RBFOX1: variants seen among roughly 807,000 people sequenced by gnomAD.
The protein encoded by RBFOX1 is RNA binding protein fox-1 homolog 1.
A neutral mutation model predicts 57.7 loss-of-function variants in RBFOX1; 8 were observed. The observed-to-expected ratio is 0.14, with a 90% confidence interval of 0.08 to 0.25. The LOEUF is 0.25. Ranked by LOEUF, RBFOX1 falls within the 10% of genes least tolerant of loss-of-function variation. RBFOX1 has a pLI of 1.00. For synonymous variants in RBFOX1, 326 were observed against 222.4 expected, an observed-to-expected ratio of 1.47 and a Z score of -4.15; for missense variants, 611 against 548.5, an observed-to-expected ratio of 1.11 and a Z score of -1.14.
rs7187068 is a variant in RBFOX1, at chr16:5,946,244, A to G, written c.351+78909A>G. 0.22 allele frequency among the ~76,000 whole-genome samples: 33,007 copies of G among 152,138 alleles called. 3,788 individuals are homozygous for G. The highest frequency in any genetic ancestry group is 0.26 in the Non-Finnish European group (17,365 of 68,004). On this transcript the variant is annotated intron_variant, in intron 4 of 19. Transcript: ENST00000641259. This position sits in a 1 kb window ranked among gnomAD's most constrained non-coding sequence, Gnocchi z 4.6. Reference sequence around the variant, plus strand: ...TGCCTTCACGTCTCTAAGTGTCTCTAAGTCTCAGCTTTCTAATCTGTAAAA... The same window carrying G: ...TGCCTTCACGTCTCTAAGTGTCTCTGAGTCTCAGCTTTCTAATCTGTAAAA...
chr16:6,814,349 C>G (rs141110090), intron 3 of RBFOX1, among the ~76,000 whole-genome samples: 1 of 152,054 alleles, frequency 6.6e-6, no homozygotes, highest in Non-Finnish European at 1.5e-5. Flanking sequence ...CTGATCATGT[C>G]CTAAGTGTTT....
intron 3 of RBFOX1, among the ~76,000 whole-genome samples, chr16:5,848,617 T>C (rs1242707513): frequency 6.6e-6 from 1 of 152,082 alleles, no homozygotes; most frequent in African/African-American, 2.4e-5. Flanking sequence ...CAAGGAAGTC[T>C]TCCTACAGCA....
chr16:5,347,950 A>C, intron 1 of RBFOX1, among the ~76,000 whole-genome samples: 2 of 96,282 alleles, frequency 2.1e-5, no homozygotes, highest in Admixed American at 1.4e-4. Context: ...TCATGCACTC[A>C]TTCACCCATC....
intron 3 of RBFOX1, among the ~76,000 whole-genome samples, chr16:6,802,896 A>G (rs2085826271): frequency 6.6e-6 from 1 of 152,174 alleles, no homozygotes; most frequent in Non-Finnish European, 1.5e-5. Flanking sequence ...GAATTGTGCA[A>G]AGAAGTTATT....
At chr16:6,788,757 G>C (rs1267539793) in intron 3 of RBFOX1, among the ~76,000 whole-genome samples, 1 of 151,944 alleles carries the variant, frequency 6.6e-6, no homozygotes, top group African/African-American at 2.4e-5. Context: ...TTACAGGTGT[G>C]AGCGACCGTG....
intron 4 of RBFOX1, among the ~76,000 whole-genome samples, chr16:7,138,664 G>A (rs1248998300): frequency 2.0e-5 from 3 of 152,168 alleles, no homozygotes; most frequent in Non-Finnish European, 4.4e-5. Context: ...TGAAGGGGAT[G>A]GGGAGGACCT....
chr16:5,619,207 C>T (rs2048133234), intron 3 of RBFOX1, among the ~76,000 whole-genome samples: 1 of 152,122 alleles, frequency 6.6e-6, no homozygotes, highest in Non-Finnish European at 1.5e-5. Context: ...CAGTGTTGGC[C>T]CCACTCTCTT....
At chr16:6,597,401 C>A (rs1368342737) in intron 2 of RBFOX1, among the ~76,000 whole-genome samples, 1 of 152,014 alleles carries the variant, frequency 6.6e-6, no homozygotes, top group Non-Finnish European at 1.5e-5. Flanking sequence ...CAACCAGGCG[C>A]GGTGGCTCAC....
intron 4 of RBFOX1, among the ~76,000 whole-genome samples, chr16:7,157,098 C>T (rs1337027685): frequency 6.6e-6 from 1 of 152,160 alleles, no homozygotes; most frequent in Non-Finnish European, 1.5e-5. Flanking sequence ...CAGCCACTTC[C>T]ATGCTATTGA....
intron 1 of RBFOX1, among the ~76,000 whole-genome samples, chr16:5,456,334 A>T (rs62016421): frequency 0.066 from 10,105 of 152,164 alleles, 522 homozygotes; most frequent in African/African-American, 0.14. Flanking sequence ...TCATGTAGGG[A>T]GAAAAAAAGT....
At chr16:7,183,149 T>C (rs564112176) in intron 4 of RBFOX1, among the ~76,000 whole-genome samples, 30 of 152,284 alleles carry the variant, frequency 2.0e-4, no homozygotes, top group African/African-American at 6.7e-4. Context: ...ACCCTCTTTT[T>C]ATTAGTTGAG....
At chr16:7,086,095 C>G (rs561266325) in intron 4 of RBFOX1, among the ~76,000 whole-genome samples, 3 of 152,178 alleles carry the variant, frequency 2.0e-5, no homozygotes, top group African/African-American at 7.2e-5. Context: ...TGGTGATTCT[C>G]TCCATCATGC....
chr16:6,040,236 G>T (rs1000397480), intron 1 of RBFOX1, among the ~76,000 whole-genome samples: 1 of 152,162 alleles, frequency 6.6e-6, no homozygotes, highest in African/African-American at 2.4e-5. Context: ...TAACCATTTT[G>T]AAGTGTATGG....
chr16:6,288,790 G>T (rs1156569929), intron 1 of RBFOX1, among the ~76,000 whole-genome samples: 2 of 152,102 alleles, frequency 1.3e-5, no homozygotes, highest in African/African-American at 4.8e-5. Context: ...TCTGTGCTTG[G>T]CTGCATTGTA....
intron 2 of RBFOX1, among the ~76,000 whole-genome samples, chr16:6,381,426 T>G (rs2091803171): frequency 6.6e-6 from 1 of 152,172 alleles, no homozygotes; most frequent in South Asian, 2.1e-4. Context: ...AGAGATATGT[T>G]GGAAGTAAAA....
intron 1 of RBFOX1, among the ~76,000 whole-genome samples, chr16:5,255,589 C>T (rs1326912981): frequency 2.0e-5 from 3 of 151,908 alleles, no homozygotes; most frequent in African/African-American, 7.3e-5. Context: ...TCTATCCCTC[C>T]ACCCATTCAC....
At chr16:6,243,891 G>A (rs930726387) in intron 1 of RBFOX1, among the ~76,000 whole-genome samples, 12 of 152,182 alleles carry the variant, frequency 7.9e-5, no homozygotes, top group African/African-American at 2.9e-4. Flanking sequence ...GACGTGTCCA[G>A]AGGCCATTGT....
intron 2 of RBFOX1, among the ~76,000 whole-genome samples, chr16:5,495,134 A>G (rs1451293251): frequency 6.6e-6 from 1 of 152,234 alleles, no homozygotes; most frequent in African/African-American, 2.4e-5. Flanking sequence ...ACTTGCAGTC[A>G]TGGCAGAAGG....
chr16:7,161,693 A>C (rs571918505), intron 4 of RBFOX1, among the ~76,000 whole-genome samples: 54 of 152,306 alleles, frequency 3.5e-4, no homozygotes, highest in African/African-American at 1.3e-3. Flanking sequence ...GAGTTTTTCT[A>C]GTGAGGGTTT....
Sources: gnomAD v4.1 joint callset for allele counts (sites outside exome capture counted in the v4.1 genomes callset) on GRCh38, gnomAD v4.1.1 for gene constraint, Gnocchi (gnomAD v3.1) non-coding constraint, MANE v1.5 for transcripts, NCBI Gene and HGNC (gene_info 2026-07-23, HGNC 2026-07-21) for gene names.